Variants in PCDHA10 observed in about 807,000 individuals in gnomAD.
PCDHA10 encodes protocadherin alpha-10.
Under a neutral mutation model 61.2 loss-of-function variants are expected in PCDHA10, and 45 were observed. The ratio of observed to expected loss-of-function variants is 0.74; its 90% CI spans 0.58 to 0.94. The LOEUF is 0.94. Ranked by LOEUF, PCDHA10 falls within the 40% of genes least tolerant of loss-of-function variation. PCDHA10 has a pLI of 0.00. For synonymous variants in PCDHA10, 602 were observed against 548.8 expected, an observed-to-expected ratio of 1.10 and a Z score of -1.35; for missense variants, 1,278 against 1,236.2, an observed-to-expected ratio of 1.03 and a Z score of -0.51.
intron 1 of PCDHA10, among the ~76,000 whole-genome samples, chr5:140,953,061 G>A (rs919542084): frequency 2.0e-5 from 3 of 152,064 alleles, no homozygotes; most frequent in African/African-American, 7.2e-5. Flanking sequence ...CCTCTCACAG[G>A]CCCCATCTCC....
At chr5:140,876,647 A>T in intron 1 of PCDHA10, 1 of 1,614,178 alleles carries the variant, frequency 6.2e-7, no homozygotes, top group Non-Finnish European at 8.5e-7. Flanking sequence ...CTGACACCTC[A>T]TGTTCCCTTC....
intron 1 of PCDHA10, among the ~76,000 whole-genome samples, chr5:140,923,593 A>G (rs2081438423): frequency 6.6e-6 from 1 of 152,246 alleles, no homozygotes. Flanking sequence ...TTGTTAATTC[A>G]TAATTTTAAT....
At chr5:140,944,995 T>A (rs246062) in intron 1 of PCDHA10, among the ~76,000 whole-genome samples, 85,717 of 151,900 alleles carry the variant, frequency 0.56, 24,795 homozygotes, top group African/African-American at 0.69. Flanking sequence ...TCTGTAACGG[T>A]TGTGGGTCAT....
intron 1 of PCDHA10, chr5:140,876,457 T>C: frequency 6.2e-7 from 1 of 1,614,008 alleles, no homozygotes; most frequent in Non-Finnish European, 8.5e-7. Flanking sequence ...AGGGATTCCT[T>C]CCATGGCAGG....
chr5:140,913,447 C>T (rs1445715185), intron 1 of PCDHA10, among the ~76,000 whole-genome samples: 5 of 152,022 alleles, frequency 3.3e-5, no homozygotes, highest in African/African-American at 9.7e-5. Context: ...TTTTCAGCTC[C>T]GATTTTATTT....
At chr5:140,979,243 C>T (rs1554240401) in intron 2 of PCDHA10, among the ~76,000 whole-genome samples, 1 of 152,178 alleles carries the variant, frequency 6.6e-6, no homozygotes, top group Non-Finnish European at 1.5e-5. Context: ...CAGAAACAGG[C>T]TGCTATGTAT....
chr5:140,992,258 A>G (rs1316409303), intron 3 of PCDHA10, among the ~76,000 whole-genome samples: 1 of 152,168 alleles, frequency 6.6e-6, no homozygotes, highest in African/African-American at 2.4e-5. Flanking sequence ...GCTAAAGATG[A>G]AAGTTCTTTT....
At chr5:140,982,268 A>G (rs2096974621) in intron 2 of PCDHA10, 3 of 885,512 alleles carry the variant, frequency 3.4e-6, no homozygotes, top group South Asian at 2.2e-5. Flanking sequence ...TGTTCCTGGA[A>G]TAGTATAGCA....
chr5:140,974,605 G>T (rs2096633635), intron 1 of PCDHA10, among the ~76,000 whole-genome samples: 1 of 152,088 alleles, frequency 6.6e-6, no homozygotes, highest in Non-Finnish European at 1.5e-5. Context: ...TCTGCCTCCA[G>T]GGTTCAAGCG....
intron 1 of PCDHA10, among the ~76,000 whole-genome samples, chr5:140,878,370 T>C (rs1049956194): frequency 6.6e-6 from 1 of 152,272 alleles, no homozygotes; most frequent in African/African-American, 2.4e-5. Context: ...GTCTGACATA[T>C]GATGAATGAT....
intron 1 of PCDHA10, chr5:140,862,170 GC>G (rs2047237372): frequency 6.1e-6 from 1 of 164,918 alleles, no homozygotes; most frequent in Non-Finnish European, 1.3e-5. Flanking sequence ...TCAAATACAG[GC>G]AGTTGACACA....
At chr5:140,957,897 C>A (rs1563294637) in intron 1 of PCDHA10, among the ~76,000 whole-genome samples, 2 of 151,908 alleles carry the variant, frequency 1.3e-5, no homozygotes, top group East Asian at 3.9e-4. Context: ...TGGCATCAAC[C>A]AAGGCATATT....
At chr5:140,894,710 G>A (rs1032103787) in intron 1 of PCDHA10, among the ~76,000 whole-genome samples, 1 of 151,116 alleles carries the variant, frequency 6.6e-6, no homozygotes, top group Non-Finnish European at 1.5e-5. Context: ...TGTTTAAGTT[G>A]TTTTCAAATA....
At chr5:140,908,728 C>T (rs2074119712) in intron 1 of PCDHA10, among the ~76,000 whole-genome samples, 1 of 152,202 alleles carries the variant, frequency 6.6e-6, no homozygotes, top group Non-Finnish European at 1.5e-5. Context: ...GGTCATATGG[C>T]TCGAGAAACA....
intron 1 of PCDHA10, among the ~76,000 whole-genome samples, chr5:140,933,012 A>G (rs1554209160): frequency 6.6e-6 from 1 of 152,008 alleles, no homozygotes; most frequent in Middle Eastern, 3.2e-3. Flanking sequence ...CGGAAATATT[A>G]ACACTTGGCA....
intron 3 of PCDHA10, among the ~76,000 whole-genome samples, chr5:140,983,792 ATG>A (rs1384223147): frequency 6.6e-6 from 1 of 152,212 alleles, no homozygotes; most frequent in Non-Finnish European, 1.5e-5. Context: ...AGATGACAGA[ATG>A]TGTGTGTAAA....
chr5:140,880,822 A>T (rs893258483), intron 1 of PCDHA10, among the ~76,000 whole-genome samples: 2 of 152,206 alleles, frequency 1.3e-5, no homozygotes, highest in Non-Finnish European at 2.9e-5. Flanking sequence ...GAGTGTCTGG[A>T]AGGGCATATT....
intron 1 of PCDHA10, among the ~76,000 whole-genome samples, chr5:140,907,882 G>T (rs895415928): frequency 6.6e-6 from 1 of 152,168 alleles, no homozygotes; most frequent in Non-Finnish European, 1.5e-5. Context: ...GCACTCACAT[G>T]GGATACAAAT....
At chr5:140,882,749 G>C (rs1393099675) in intron 1 of PCDHA10, 1 of 1,614,126 alleles carries the variant, frequency 6.2e-7, no homozygotes, top group Non-Finnish European at 8.5e-7. Flanking sequence ...ATCCGATGCA[G>C]ATATTGGAGT....
Sources: gnomAD v4.1 joint callset for allele counts (sites outside exome capture counted in the v4.1 genomes callset) on GRCh38, gnomAD v4.1.1 for gene constraint, MANE v1.5 for transcripts, NCBI Gene and HGNC (gene_info 2026-07-23, HGNC 2026-07-21) for gene names.